Variants in SPTBN1 observed in about 807,000 individuals in gnomAD.
SPTBN1 encodes spectrin beta chain, non-erythrocytic 1.
A neutral mutation model predicts 266.4 loss-of-function variants in SPTBN1; 32 were observed. The ratio of observed to expected loss-of-function variants is 0.12; its 90% CI spans 0.09 to 0.16. The LOEUF (loss-of-function observed/expected upper bound fraction) is 0.16. Among genes scored for constraint, SPTBN1 ranks in the 10% least tolerant of loss-of-function variants. The pLI, the probability that SPTBN1 is intolerant of heterozygous loss-of-function variation, is 1.00. For synonymous variants in SPTBN1, 1,336 were observed against 1,162.2 expected (o/e 1.15, Z -3.04); for missense variants, 2,296 against 3,067.1 (o/e 0.75, Z 5.94).
rs139706463 is a variant in SPTBN1, at chr2:54,616,275, G to A, written c.543G>A (p.Leu181=). Residue 181 remains leucine, a synonymous_variant, in exon 5 of 36, where the codon TTG becomes TTA. Coordinates refer to ENST00000356805, the MANE Select transcript of SPTBN1 (RefSeq NM_003128.3). ...AATCTGCCAAGGATGCATTGCTGTT[G>A]TGGTGCCAGATGAAGACAGCTGGGT... ...EKKSAKDALL[L]WCQMKTAGYP... The A allele has an allele frequency of 5.6e-6, 9 of 1,613,972 alleles. No homozygotes were observed. In the African/African-American group the frequency reaches 8.0e-5, roughly 14 times the overall value.
rs373189053 is a variant in SPTBN1, at chr2:54,629,678, T to C, written c.2544T>C (p.Thr848=). 6.2e-7 allele frequency: 1 copy of C among 1,613,676 alleles called. No individual in the cohort carries two copies. Among genetic ancestry groups the C allele is most frequent in the Non-Finnish European group, 8.5e-7 (1 of 1,179,998 alleles). The change falls in exon 14 of 36, where the codon ACT becomes ACC. Residue 848 remains threonine (T), a synonymous_variant. Coordinates refer to ENST00000356805, the MANE Select transcript of SPTBN1 (RefSeq NM_003128.3). ...TRLRKQALQD[T]LALYKMFSEA... is the part of the protein sequence containing the mutation. ...TGCGGAAGCAGGCACTCCAGGACAC[T>C]CTGGCCCTGTACAAGATGTTCAGCG...
At chr2:54,511,054 G>C (rs1265452974) in intron 1 of SPTBN1, among the ~76,000 whole-genome samples, 1 of 152,204 alleles carries the variant, frequency 6.6e-6, no homozygotes, top group Non-Finnish European at 1.5e-5. Flanking sequence ...GGCTTGGTTG[G>C]ATTAGGGTCT....
At position 54,631,449 on chromosome 2, in the gene SPTBN1, T is replaced by C; in HGVS notation, c.3402T>C (p.Asp1134=). Residue 1134 remains aspartate, a synonymous_variant, in exon 16 of 36, where the codon GAT becomes GAC. Transcript: ENST00000356805. ...AGATGGTCACCCAGGGGCAGACCGA[T>C]GCCCAGTACATGTTTCTGCGGCAGC... ...MGEMVTQGQT[D]AQYMFLRQRL... 2 of 1,614,262 alleles carry C rather than the reference T, an allele frequency of 1.2e-6. No individual in the cohort carries two copies. Among genetic ancestry groups the C allele is most frequent in the Non-Finnish European group, 1.7e-6 (2 of 1,180,046 alleles).
intron 11 of SPTBN1, among the ~76,000 whole-genome samples, chr2:54,625,239 C>A (rs775933063): frequency 1.3e-5 from 2 of 152,212 alleles, no homozygotes; most frequent in Non-Finnish European, 2.9e-5. Context: ...TAAGTTTTAA[C>A]AGTTTCTCTC....
intron 1 of SPTBN1, among the ~76,000 whole-genome samples, chr2:54,465,476 A>G (rs967509863): frequency 5.9e-5 from 9 of 152,138 alleles, no homozygotes; most frequent in Non-Finnish European, 7.4e-5. Context: ...TCAGATTTAG[A>G]TTTACTTTCA....
At chr2:54,488,129 C>T (rs1558771095) in intron 1 of SPTBN1, among the ~76,000 whole-genome samples, 1 of 152,046 alleles carries the variant, frequency 6.6e-6, no homozygotes, top group East Asian at 1.9e-4. Context: ...GCGCCCGGCC[C>T]ATCATATCCT....
chr2:54,660,848 G>A (rs1450742177), intron 32 of SPTBN1: 18 of 985,306 alleles, frequency 1.8e-5, no homozygotes, highest in Non-Finnish European at 2.0e-5. Context: ...CTGCTGGCAC[G>A]TGGGACGCGG....
chr2:54,659,976 C>T lies in SPTBN1; in HGVS notation c.6397C>T (p.Pro2133Ser), dbSNP rs369581553. 8.1e-6 allele frequency: 13 copies of T among 1,614,056 alleles called. No individual in the cohort carries two copies. The highest frequency in any genetic ancestry group is 5.3e-5 in the African/African-American group (4 of 74,906). ...KGEQVSQNGLPAEQGSPRMAE... is the reference protein window; with the variant it reads ...KGEQVSQNGLSAEQGSPRMAE... Reference sequence around the variant, plus strand: ...AGAACAAGTTTCCCAAAACGGTTTGCCAGCTGAACAGGGATCTCCACGGGT... The same window carrying T: ...AGAACAAGTTTCCCAAAACGGTTTGTCAGCTGAACAGGGATCTCCACGGGT... Residue 2133 changes from proline (P) to serine (S), a missense_variant, in exon 32 of 36, where the codon CCA becomes TCA. Physicochemically the swap from Pro to Ser is moderately conservative, Grantham distance 74. This residue lies in a region of SPTBN1 where 347 missense variants were observed against 368.5 expected (regional missense o/e 0.94). Transcript: ENST00000356805.
intron 1 of SPTBN1, among the ~76,000 whole-genome samples, chr2:54,490,477 T>A (rs1668628848): frequency 6.6e-6 from 1 of 152,188 alleles, no homozygotes; most frequent in Non-Finnish European, 1.5e-5. Context: ...AGGAAAATAT[T>A]TACTAGGAAA....
intron 18 of SPTBN1, among the ~76,000 whole-genome samples, chr2:54,642,332 T>C (rs1484211919): frequency 6.6e-5 from 10 of 152,160 alleles, no homozygotes. Context: ...AATCAAGTCC[T>C]GTGAAGTGTT....
rs1335091475 is a variant in SPTBN1, at chr2:54,624,823, A to G, written c.1202A>G (p.Lys401Arg). The change falls in exon 11 of 36, where the codon AAA becomes AGA. Residue 401 changes from lysine to arginine, a missense_variant. Lys to Arg is a conservative substitution (Grantham distance 26). This residue lies in a region of SPTBN1 where 148 missense variants were observed against 203.8 expected (regional missense o/e 0.73). Coordinates refer to ENST00000356805, the MANE Select transcript of SPTBN1 (RefSeq NM_003128.3). ...DINKAWERLEKAEHERELALR... is the reference protein window; with the variant it reads ...DINKAWERLERAEHERELALR... ...TTGTAGGCCTGGGAAAGACTGGAAA[A>G]AGCGGAACACGAAAGAGAACTGGCT... 1 of 1,614,000 alleles carries G rather than the reference A, an allele frequency of 6.2e-7. No individual in the cohort carries two copies. The highest frequency in any genetic ancestry group is 8.5e-7 in the Non-Finnish European group (1 of 1,180,024).
intron 2 of SPTBN1, among the ~76,000 whole-genome samples, chr2:54,595,839 A>G (rs991118877): frequency 6.6e-6 from 1 of 152,042 alleles, no homozygotes; most frequent in Non-Finnish European, 1.5e-5. Context: ...CTGGGCCTCT[A>G]CCCTCTAAAT....
At chr2:54,658,132 A>T in intron 30 of SPTBN1, 86 bp downstream of exon 30, 10 of 1,411,714 alleles carry the variant, frequency 7.1e-6, no homozygotes, top group Admixed American at 2.1e-5. Context: ...AATTCACACG[A>T]TTGCTTGTTT....
At chr2:54,545,276 C>T (rs1458030677) in intron 2 of SPTBN1, 1 of 152,112 alleles carries the variant, frequency 6.6e-6, no homozygotes, top group East Asian at 1.9e-4. Flanking sequence ...ATGTATAATC[C>T]TTTGAGTATA....
chr2:54,542,362 T>G (rs1471666186), intron 2 of SPTBN1, among the ~76,000 whole-genome samples: 3 of 152,106 alleles, frequency 2.0e-5, no homozygotes, highest in African/African-American at 4.8e-5. Context: ...ACTATAGGAG[T>G]GAACGAGGAG....
chr2:54,577,204 C>T (rs1674551726), intron 2 of SPTBN1, among the ~76,000 whole-genome samples: 1 of 152,194 alleles, frequency 6.6e-6, no homozygotes, highest in Non-Finnish European at 1.5e-5. Flanking sequence ...TGACCTTGGA[C>T]AAGTGACTTG....
chr2:54,609,708 G>A (rs1156474010), intron 3 of SPTBN1, among the ~76,000 whole-genome samples: 1 of 152,064 alleles, frequency 6.6e-6, no homozygotes, highest in African/African-American at 2.4e-5. Flanking sequence ...GTTCTGGGTG[G>A]GGGCATTATC....
In SPTBN1 at chr2:54,533,135, C is replaced by T. The variant is rs929359421; in HGVS notation, c.148+6569C>T. On this transcript the variant is annotated intron_variant, in intron 2 of 35. Coordinates refer to ENST00000356805, the MANE Select transcript of SPTBN1 (RefSeq NM_003128.3). This position sits in a 1 kb window ranked among gnomAD's most constrained non-coding sequence, Gnocchi z 4.2. ...CGGCTGCTAAGTGACTAACAGGGAG[C>T]GTCTGCAGTGTGTGTCTGCTGGACA... Among the ~76,000 whole-genome samples, 5 of 152,250 alleles carry T rather than the reference C, an allele frequency of 3.3e-5. No homozygotes were observed. Among genetic ancestry groups the T allele is most frequent in the South Asian group, 2.1e-4 (1 of 4,822 alleles).
At chr2:54,553,471 G>A (rs925510729) in intron 2 of SPTBN1, among the ~76,000 whole-genome samples, 12 of 152,176 alleles carry the variant, frequency 7.9e-5, no homozygotes, top group African/African-American at 2.4e-4. Flanking sequence ...ATCTGGCCAC[G>A]CTAATGGAAG....
Sources: allele counts gnomAD v4.1 joint callset (sites outside exome capture counted in the v4.1 genomes callset), GRCh38; gene constraint gnomAD v4.1.1; regional missense constraint gnomAD v4.1.1; non-coding constraint Gnocchi (gnomAD v3.1); transcripts MANE v1.5; gene names NCBI Gene and HGNC (gene_info 2026-07-23, HGNC 2026-07-21).